AQP8: variants seen among roughly 807,000 people sequenced by gnomAD.
The protein encoded by AQP8 is aquaporin-8.
Under a neutral mutation model 26.1 loss-of-function variants are expected in AQP8, and 14 were observed. That is an observed-to-expected ratio of 0.54 (90% confidence interval 0.35 to 0.84). The LOEUF (loss-of-function observed/expected upper bound fraction) is 0.84. AQP8 is among the 40% of genes least tolerant of loss of function. The pLI is 0.01. For synonymous variants in AQP8, 131 were observed against 150.7 expected (o/e 0.87, Z 0.96); for missense variants, 301 against 340.5 (o/e 0.88, Z 0.91).
chr16:25,224,594 G>A lies in AQP8; in HGVS notation c.602+18G>A. On this transcript the variant is annotated intron_variant, in intron 4 of 5. Transcript: ENST00000219660. ...CTGGCTGGGTGAGTGTCCCTTGGCA[G>A]TGGGGTGACCATGCCCAGATCTGTG... 6.2e-7 allele frequency: 1 copy of A among 1,603,442 alleles called. No homozygotes were observed.
At chr16:25,227,728 T>A (rs1962653927) in intron 5 of AQP8, among the ~76,000 whole-genome samples, 1 of 151,962 alleles carries the variant, frequency 6.6e-6, no homozygotes, top group Non-Finnish European at 1.5e-5. Flanking sequence ...CCTCATGTGA[T>A]CCACCTGCCT....
Position 25,221,532 on chromosome 16 carries a change from GTAC to G in AQP8, c.338_340del (p.Tyr113del), listed in dbSNP as rs766848145. ...GCCTCAACCTGGTGATGCTCCTCCC[GTAC>G]TGGGTCTCACAGCTGCTCGGGGGGA... On this transcript the variant is annotated inframe_deletion, in exon 3 of 6. Transcript: ENST00000219660. 2.5e-6 allele frequency: 4 copies of G among 1,614,074 alleles called. No individual in the cohort carries two copies. In the East Asian group the frequency reaches 8.9e-5, roughly 36 times the overall value.
At chr16:25,220,297 T>C (rs1033996487) in intron 2 of AQP8, among the ~76,000 whole-genome samples, 1 of 151,900 alleles carries the variant, frequency 6.6e-6, no homozygotes. Flanking sequence ...ACATGGGGAG[T>C]CTTGGGGTCC....
At chr16:25,222,755 A>T (rs1391963184) in intron 3 of AQP8, among the ~76,000 whole-genome samples, 1 of 151,972 alleles carries the variant, frequency 6.6e-6, no homozygotes, top group Admixed American at 6.6e-5. Flanking sequence ...CCCACCGCAG[A>T]CTTTGTTCTC....
chr16:25,226,616 A>G (rs1018448030), intron 4 of AQP8, among the ~76,000 whole-genome samples: 2 of 152,156 alleles, frequency 1.3e-5, no homozygotes, highest in East Asian at 3.9e-4. Context: ...GTCAAAGTAA[A>G]CGGGGTATTC....
intron 4 of AQP8, among the ~76,000 whole-genome samples, chr16:25,226,058 T>A (rs1962628913): frequency 6.6e-6 from 1 of 152,116 alleles, no homozygotes; most frequent in African/African-American, 2.4e-5. Flanking sequence ...GGGCTGGGGT[T>A]TTTCTTTCTT....
In AQP8 at chr16:25,217,431, G is replaced by A. The variant is rs144185652; in HGVS notation, c.246G>A (p.Thr82=). ...TGGCTTTGGGGCTCGTGATTGCCAC[G>A]CTGGGGAATATCAGGTGAGACCAGC... The part of the protein sequence containing the change: ...HGLALGLVIA[T]LGNISGGHFN... The change falls in exon 2 of 6, where the codon ACG becomes ACA. Residue 82 remains threonine, a synonymous_variant. Coordinates refer to ENST00000219660, the MANE Select transcript of AQP8 (RefSeq NM_001169.3). The A allele has an allele frequency of 9.7e-5, 157 of 1,613,914 alleles. No homozygotes were observed. The highest frequency in any genetic ancestry group is 1.3e-4 in the Non-Finnish European group (151 of 1,179,990).
chr16:25,225,263 G>A (rs946200654), intron 4 of AQP8, among the ~76,000 whole-genome samples: 14 of 152,232 alleles, frequency 9.2e-5, no homozygotes, highest in South Asian at 8.3e-4. Flanking sequence ...GGAATTACAG[G>A]CATGAGCCAC....
chr16:25,224,674 G>C, intron 4 of AQP8, 98 bp downstream of exon 4: 1 of 1,297,710 alleles, frequency 7.7e-7, no homozygotes, highest in Non-Finnish European at 1.1e-6. Context: ...GTTGCTATTA[G>C]GGGCCAGGAA....
At chr16:25,221,427 C>T (rs764936121) in intron 2 of AQP8, 30 bp from the exon 3 acceptor site, 2 of 1,613,148 alleles carry the variant, frequency 1.2e-6, no homozygotes, top group South Asian at 1.1e-5. Context: ...GCCCTGGGCT[C>T]ATGACTTCCT....
In AQP8 at chr16:25,224,652, G is replaced by A; in HGVS notation, c.602+76G>A. 3.4e-6 allele frequency: 5 copies of A among 1,453,194 alleles called. No individual in the cohort carries two copies. In the Admixed American group the frequency reaches 5.9e-5, roughly 17 times the overall value. The allele number at this position is 1,453,194 out of a possible 1,614,324, so 90.0% of individuals were successfully genotyped here. On this transcript the variant is annotated intron_variant, in intron 4 of 5. Coordinates refer to ENST00000219660, the MANE Select transcript of AQP8 (RefSeq NM_001169.3). ...GCTCTGGGGGATTTCAGGCCTGAGG[G>A]TCACAGATTCAGTTGCTATTAGGGG...
intron 3 of AQP8, among the ~76,000 whole-genome samples, chr16:25,223,343 C>T (rs532736750): frequency 1.5e-3 from 229 of 152,338 alleles, no homozygotes; most frequent in Admixed American, 4.2e-3. Flanking sequence ...GCCCCTTCCA[C>T]GGTCCTGTGG....
chr16:25,225,147 C>T (rs983587794), intron 4 of AQP8, among the ~76,000 whole-genome samples: 2 of 152,124 alleles, frequency 1.3e-5, no homozygotes, highest in Admixed American at 1.3e-4. Context: ...GCTGAGTGAA[C>T]CCTTTTAATT....
chr16:25,222,677 GT>G (rs1040030779), intron 3 of AQP8, among the ~76,000 whole-genome samples: 31 of 151,844 alleles, frequency 2.0e-4, no homozygotes, highest in South Asian at 4.2e-4. Context: ...TGGTGTGTGT[GT>G]GGGGGGTGGT....
intron 3 of AQP8, among the ~76,000 whole-genome samples, chr16:25,223,824 C>A (rs1040976149): frequency 6.7e-6 from 1 of 150,322 alleles, no homozygotes; most frequent in Non-Finnish European, 1.5e-5. Flanking sequence ...TTTTCTTTTT[C>A]TTTTTCTTTT....
At chr16:25,228,160 G>A (rs538265548) in intron 5 of AQP8, among the ~76,000 whole-genome samples, 6 of 151,930 alleles carry the variant, frequency 3.9e-5, no homozygotes, top group African/African-American at 9.6e-5. Context: ...CCAGCTACTC[G>A]GGAGGCTGAA....
At chr16:25,225,688 C>CG (rs1393425925) in intron 4 of AQP8, among the ~76,000 whole-genome samples, 3 of 151,956 alleles carry the variant, frequency 2.0e-5, no homozygotes, top group African/African-American at 4.8e-5. Context: ...GGATTACAGG[C>CG]TGAGCCACCG....
intron 4 of AQP8, among the ~76,000 whole-genome samples, chr16:25,225,469 G>GC (rs1285821021): frequency 3.4e-5 from 4 of 119,104 alleles, no homozygotes; most frequent in Non-Finnish European, 5.5e-5. Context: ...TCACTTACAA[G>GC]CCCTTTTTTT....
intron 4 of AQP8, 74 bp from the exon 5 acceptor site, chr16:25,226,994 G>A: frequency 6.2e-7 from 1 of 1,606,848 alleles, no homozygotes; most frequent in Non-Finnish European, 8.5e-7. Flanking sequence ...ACTAGGCCTA[G>A]TTGGGGACAT....
Sources: allele counts gnomAD v4.1 joint callset (sites outside exome capture counted in the v4.1 genomes callset), GRCh38; gene constraint gnomAD v4.1.1; transcripts MANE v1.5; gene names NCBI Gene and HGNC (gene_info 2026-07-23, HGNC 2026-07-21).